The following SLCO1B3 variants were observed in gnomAD, a reference collection of about 807,000 sequenced individuals.
SLCO1B3 encodes solute carrier organic anion transporter family member 1B3, also known as liver-specific organic anion transporter 2.
SLCO1B3 carries 72 observed loss-of-function variants against 71.8 expected under a neutral mutation model. The observed-to-expected ratio is 1.00, with a 90% CI of 0.83 to 1.22. The LOEUF is 1.22. SLCO1B3 is among the 50% of genes most tolerant of loss of function. SLCO1B3 has a pLI of 0.00. For synonymous variants in SLCO1B3, 298 were observed against 278.4 expected, an observed-to-expected ratio of 1.07 and a Z score of -0.70; for missense variants, 911 against 819.7, an observed-to-expected ratio of 1.11 and a Z score of -1.36.
chr12:20,826,409 TA>T (rs1864422735), intron 3 of SLCO1B3, among the ~76,000 whole-genome samples: 1 of 151,462 alleles, frequency 6.6e-6, no homozygotes, highest in East Asian at 1.9e-4. Context: ...AAATCTCTTG[TA>T]ATTTTATTAA....
chr12:20,812,901 T>TA (rs1414615321), intron 1 of SLCO1B3, among the ~76,000 whole-genome samples: 1 of 152,210 alleles, frequency 6.6e-6, no homozygotes, highest in Non-Finnish European at 1.5e-5. Context: ...AATTAATTGG[T>TA]AAAAAATAAA....
At chr12:20,834,263 C>T (rs186304370) in intron 3 of SLCO1B3, among the ~76,000 whole-genome samples, 1 of 139,954 alleles carries the variant, frequency 7.1e-6, no homozygotes, top group Non-Finnish European at 1.5e-5. Context: ...AACCTGTATA[C>T]ATAGTCTTCA....
chr12:20,812,575 G>A (rs1032721184), intron 1 of SLCO1B3, among the ~76,000 whole-genome samples: 4 of 152,188 alleles, frequency 2.6e-5, no homozygotes, highest in Non-Finnish European at 4.4e-5. Context: ...GCTTATGGTT[G>A]TATTGGGAAA....
intron 3 of SLCO1B3, among the ~76,000 whole-genome samples, chr12:20,844,494 G>T (rs4433624): frequency 7.3e-5 from 11 of 151,402 alleles, no homozygotes; most frequent in Middle Eastern, 3.4e-3. Flanking sequence ...CTTGAACCTA[G>T]GAGGCAGTGG....
intron 3 of SLCO1B3, among the ~76,000 whole-genome samples, chr12:20,825,793 T>G (rs377626860): frequency 2.6e-5 from 3 of 113,950 alleles, no homozygotes; most frequent in East Asian, 4.4e-4. Flanking sequence ...AGCAAGACTC[T>G]GTCTCAAAAA....
At chr12:20,857,428 T>G (rs1865163912) in intron 4 of SLCO1B3, among the ~76,000 whole-genome samples, 1 of 151,976 alleles carries the variant, frequency 6.6e-6, no homozygotes, top group African/African-American at 2.4e-5. Context: ...CTTTAAAATT[T>G]TTTCCTCTGA....
chr12:20,901,368 T>C lies in SLCO1B3; in HGVS notation c.1766T>C (p.Ile589Thr). 1 of 1,579,668 alleles carries C rather than the reference T, an allele frequency of 6.3e-7. No individual in the cohort carries two copies. The highest frequency in any genetic ancestry group is 1.2e-5 in the South Asian group (1 of 83,502). The change falls in exon 15 of 16, where the codon ATA becomes ACA. Residue 589 changes from isoleucine to threonine, a missense_variant. By Grantham distance (89) the Ile-to-Thr change is moderately conservative. Transcript: ENST00000381545. ...GTTGCAGGAGGAATTCTAGCTCCAA[T>C]ATATTTTGGGGCTCTGATTGATAAA... ...IRTLGGILAP[I>T]YFGALIDKTC...
chr12:20,825,961 G>A lies in SLCO1B3; in HGVS notation c.84+10139G>A, dbSNP rs531788371. On this transcript the variant is annotated intron_variant, in intron 3 of 15. Coordinates refer to ENST00000381545, the MANE Select transcript of SLCO1B3 (RefSeq NM_019844.4). ...CAAATAAAAACTTAATAAGAATAAC[G>A]AATTATTTTGATAAATGTAAAATCT... Among the ~76,000 whole-genome samples, 36 of 151,880 alleles carry A rather than the reference G, an allele frequency of 2.4e-4. 2 individuals are homozygous for A. Among genetic ancestry groups the A allele is most frequent in the African/African-American group, 7.7e-4 (32 of 41,464 alleles).
intron 3 of SLCO1B3, among the ~76,000 whole-genome samples, chr12:20,821,589 C>T (rs565056406): frequency 6.6e-6 from 1 of 151,972 alleles, no homozygotes; most frequent in Non-Finnish European, 1.5e-5. Flanking sequence ...TTCTTGCCCC[C>T]TAGAAAAGCG....
At chr12:20,899,906 C>A (rs1354255292) in intron 14 of SLCO1B3, among the ~76,000 whole-genome samples, 1 of 152,128 alleles carries the variant, frequency 6.6e-6, no homozygotes, top group African/African-American at 2.4e-5. Flanking sequence ...CACTTGGTAG[C>A]AAACTTCCAA....
At chr12:20,820,201 C>T (rs1048119648) in intron 3 of SLCO1B3, among the ~76,000 whole-genome samples, 11 of 152,076 alleles carry the variant, frequency 7.2e-5, no homozygotes, top group Non-Finnish European at 1.6e-4. Flanking sequence ...TTACCCTCCA[C>T]TGTGAGAGTT....
chr12:20,875,738 C>CA (rs1430676853), intron 9 of SLCO1B3, among the ~76,000 whole-genome samples: 3 of 151,930 alleles, frequency 2.0e-5, no homozygotes, highest in African/African-American at 7.3e-5. Context: ...GCTTATAAGC[C>CA]AGAGTATATA....
intron 9 of SLCO1B3, among the ~76,000 whole-genome samples, chr12:20,877,302 A>G (rs1865602004): frequency 6.6e-6 from 1 of 152,202 alleles, no homozygotes. Flanking sequence ...TTAGGTGCTC[A>G]TTAGGAATGG....
At position 20,823,152 on chromosome 12, in the gene SLCO1B3, T is replaced by C. The variant is rs1864352297; in HGVS notation, c.84+7330T>C. On this transcript the variant is annotated intron_variant, in intron 3 of 15. Coordinates refer to ENST00000381545, the MANE Select transcript of SLCO1B3 (RefSeq NM_019844.4). ...AAAACTGATATAGGCCATATCACTC[T>C]GAAGTGTGTTGTCAGTAGGCACATA... is the stretch of plus-strand genomic sequence containing the variant. 3.3e-5 allele frequency among the ~76,000 whole-genome samples: 5 copies of C among 152,206 alleles called. No homozygotes were observed. In the South Asian group the frequency reaches 1.0e-3, roughly 31 times the overall value.
chr12:20,862,860 T>C lies in SLCO1B3; in HGVS notation c.727+6T>C, dbSNP rs1865298624. Reference sequence around the variant, plus strand: ...TATTGGATATGTAGATCTGAGTAAGTACAATTAGAACAAGGTACCATGATA... The same window carrying C: ...TATTGGATATGTAGATCTGAGTAAGCACAATTAGAACAAGGTACCATGATA... On this transcript the variant is annotated splice_donor_region_variant and intron_variant, in intron 8 of 15. Coordinates refer to ENST00000381545, the MANE Select transcript of SLCO1B3 (RefSeq NM_019844.4). 2.7e-6 allele frequency: 4 copies of C among 1,485,338 alleles called. No individual in the cohort carries two copies. The Admixed American group carries it at 6.8e-5, about 25-fold the overall frequency. 92.0% of individuals were successfully genotyped at this position (1,485,338 alleles called of 1,614,324 possible). A position where few individuals can be genotyped will look rare whatever the true frequency, so the allele number is the denominator to read the frequency against.
At chr12:20,845,988 T>C (rs199785224) in intron 3 of SLCO1B3, among the ~76,000 whole-genome samples, 1 of 143,114 alleles carries the variant, frequency 7.0e-6, no homozygotes, top group South Asian at 2.3e-4. Flanking sequence ...TTTTTTTTTT[T>C]AACTGTTGTT....
intron 3 of SLCO1B3, among the ~76,000 whole-genome samples, chr12:20,831,783 G>GT (rs1184907272): frequency 1.3e-5 from 2 of 152,094 alleles, no homozygotes; most frequent in Non-Finnish European, 2.9e-5. Flanking sequence ...TAAAACAATG[G>GT]TAAAAATAGA....
intron 12 of SLCO1B3, among the ~76,000 whole-genome samples, chr12:20,882,064 C>G (rs1343762615): frequency 6.6e-6 from 1 of 152,126 alleles, no homozygotes; most frequent in Non-Finnish European, 1.5e-5. Context: ...TCATATTCAT[C>G]AGCTATAGTA....
At chr12:20,824,162 A>G (rs1254629098) in intron 3 of SLCO1B3, among the ~76,000 whole-genome samples, 1 of 152,214 alleles carries the variant, frequency 6.6e-6, no homozygotes, top group Non-Finnish European at 1.5e-5. Flanking sequence ...AATTCACTTT[A>G]TTAAATTGTT....
Sources: gnomAD v4.1 joint callset for allele counts (sites outside exome capture counted in the v4.1 genomes callset) on GRCh38, gnomAD v4.1.1 for gene constraint, MANE v1.5 for transcripts, NCBI Gene and HGNC (gene_info 2026-07-23, HGNC 2026-07-21) for gene names.